The following RGS11 variants were observed in gnomAD, a reference collection of about 807,000 sequenced individuals.
RGS11 encodes the protein regulator of G protein signaling 11, also known as regulator of G-protein signaling 11.
A neutral mutation model predicts 71.1 loss-of-function variants in RGS11; 86 were observed. The ratio of observed to expected loss-of-function variants is 1.21; its 90% confidence interval spans 1.02 to 1.45. RGS11 has a LOEUF of 1.45. Among genes scored for constraint, RGS11 ranks in the 40% most tolerant of loss-of-function variants. RGS11 has a pLI of 0.00. For synonymous variants in RGS11, 298 were observed against 254.2 expected (o/e 1.17, Z -1.64); for missense variants, 734 against 635.1 (o/e 1.16, Z -1.67).
At position 269,457 on chromosome 16, in the gene RGS11, G is replaced by A. The variant is rs745979153; in HGVS notation, c.1289+46C>T. ...CCCACCTCACTGCAGGGCCCCAGCA[G>A]CCCCCAGGCCACAGCCGCCGGCCAC... On this transcript the variant is annotated intron_variant, in intron 16 of 16. Coordinates refer to ENST00000397770, the MANE Select transcript of RGS11 (RefSeq NM_183337.3). 21 of 1,600,222 alleles carry A rather than the reference G, an allele frequency of 1.3e-5. No individual in the cohort carries two copies. The East Asian group carries it at 4.7e-4, about 36-fold the overall frequency.
chr16:271,579 GA>G lies in RGS11; in HGVS notation c.658-11del, dbSNP rs1567237055. 1 of 1,613,788 alleles carries G rather than the reference GA, an allele frequency of 6.2e-7. No individual in the cohort carries two copies. Among genetic ancestry groups the G allele is most frequent in the Non-Finnish European group, 8.5e-7 (1 of 1,179,970 alleles). ...AATCTGCACTCTTGGTCTAGAAGGG[GA>G]TAGGTGGGCTGCAGTTAGATGCAGG... On this transcript the variant is annotated splice_polypyrimidine_tract_variant and intron_variant, in intron 9 of 16. Coordinates refer to ENST00000397770, the MANE Select transcript of RGS11 (RefSeq NM_183337.3).
rs756360254 is a variant in RGS11 at position 274,199 on chromosome 16, C to T, written c.370+15G>A. On this transcript the variant is annotated intron_variant, in intron 5 of 16. Coordinates refer to ENST00000397770, the MANE Select transcript of RGS11 (RefSeq NM_183337.3). The stretch of plus-strand genomic sequence containing the variant: ...TCCTGGGAACTTGTCTGGGGCCAGC[C>T]GTCCCCTTGCTCACCATAGTCCAGC... The T allele has an allele frequency of 1.5e-4, 239 of 1,606,930 alleles. 1 individual carries two copies. The East Asian group carries it at 3.8e-3, about 25-fold the overall frequency.
In RGS11 at chr16:275,273, G is replaced by A; in HGVS notation, c.211+10C>T. 1.2e-6 allele frequency: 2 copies of A among 1,612,534 alleles called. No homozygotes were observed. The highest frequency in any genetic ancestry group is 1.7e-6 in the Non-Finnish European group (2 of 1,179,816). ...TGACCCCAGGGCCCAGTGGGAGGCA[G>A]GGCGCTCACCCTCCTCCGAGACGCA... On this transcript the variant is annotated intron_variant, in intron 3 of 16. Transcript: ENST00000397770.
rs1187539204 is a variant in RGS11, at chr16:274,096, A to T, written c.376T>A (p.Tyr126Asn). The change falls in exon 6 of 17, where the codon TAC (tyrosine) becomes AAC (asparagine). Residue 126 changes from tyrosine to asparagine, a missense_variant. Coordinates refer to ENST00000397770, the MANE Select transcript of RGS11 (RefSeq NM_183337.3). ...TTTCGGATGTTCTTCTTGGCCAGGT[A>T]GATGGCTGGAAGAACAGGGACAGCC... ...RPAAELDYAIYLAKKNIRKRG... is the reference protein window; with the variant it reads ...RPAAELDYAINLAKKNIRKRG... The T allele has an allele frequency of 1.3e-6, 2 of 1,552,896 alleles. No individual in the cohort carries two copies. Among genetic ancestry groups the T allele is most frequent in the Non-Finnish European group, 1.7e-6 (2 of 1,148,090 alleles).
intron 16 of RGS11, 38 bp downstream of exon 16, chr16:269,465 G>A: frequency 6.2e-7 from 1 of 1,605,772 alleles, no homozygotes; most frequent in Non-Finnish European, 8.5e-7. Context: ...CAGCCCCCAG[G>A]CCACAGCCGC....
intron 3 of RGS11, 74 bp downstream of exon 3, chr16:275,209 C>T (rs990523563): frequency 2.5e-6 from 4 of 1,606,694 alleles, no homozygotes; most frequent in East Asian, 2.2e-5. Context: ...TGAGAACTGC[C>T]AGACTCCAGG....
rs775750447 is a variant in RGS11, at chr16:275,515, G to A, written c.64-17C>T. ...CCGCTCCATCTGGGCGGAGGGAGTC[G>A]TCAGGGGGTGTCTGGCCGCCCCGCA... On this transcript the variant is annotated splice_polypyrimidine_tract_variant and intron_variant, in intron 1 of 16. Coordinates refer to ENST00000397770, the MANE Select transcript of RGS11 (RefSeq NM_183337.3). The A allele has an allele frequency of 8.5e-6, 13 of 1,530,500 alleles. No individual in the cohort carries two copies. The highest frequency in any genetic ancestry group is 5.8e-5 in the South Asian group (5 of 85,826). 94.8% of individuals were successfully genotyped at this position (1,530,500 alleles called of 1,614,324 possible).
rs112344350 is a variant in RGS11, at chr16:274,030, TG to T, written c.429+12del. On this transcript the variant is annotated intron_variant, in intron 6 of 16. Coordinates refer to ENST00000397770, the MANE Select transcript of RGS11 (RefSeq NM_183337.3). ...CTGTACCCAGCCGGGGCGGGAAGGG[TG>T]GGGGGTCCCACCTTCTCATAATCCA... is the stretch of plus-strand genomic sequence containing the variant. 2 of 1,521,326 alleles carry T rather than the reference TG, an allele frequency of 1.3e-6. No individual in the cohort carries two copies. The highest frequency in any genetic ancestry group is 1.8e-6 in the Non-Finnish European group (2 of 1,127,930). The allele number at this position is 1,521,326 out of a possible 1,614,324, so 94.2% of individuals were successfully genotyped here. A position where few individuals can be genotyped will look rare whatever the true frequency, so the allele number is the denominator to read the frequency against.
At chr16:274,605 C>A (rs938382267) in intron 4 of RGS11, 7 of 602,442 alleles carry the variant, frequency 1.2e-5, no homozygotes, top group Non-Finnish European at 1.8e-5. Context: ...CAGGTCGGCC[C>A]GGGACCCTGA....
At position 272,886 on chromosome 16, in the gene RGS11, A is replaced by G. The variant is rs1321914910; in HGVS notation, c.634T>C (p.Cys212Arg). The G allele has an allele frequency of 6.5e-7, 1 of 1,539,354 alleles. No homozygotes were observed. Among genetic ancestry groups the G allele is most frequent in the Non-Finnish European group, 8.8e-7 (1 of 1,142,202 alleles). Reference protein sequence around the residue: ...VLEQGPGRGSCAASRVLMTKS... With the variant: ...VLEQGPGRGSRAASRVLMTKS... ...ACCATGAGCACACGGCTGGCAGCGC[A>G]GGATCCCCGCCCTGGACCCTGCTCC... Residue 212 changes from cysteine (C) to arginine (R), a missense_variant, in exon 9 of 17, where the codon TGC becomes CGC. Coordinates refer to ENST00000397770, the MANE Select transcript of RGS11 (RefSeq NM_183337.3).
chr16:269,106 G>T lies in RGS11; in HGVS notation c.*163C>A. ...CTGGGCAGGGAGGGCTTGCTGGAGG[G>T]AGGGAGGCTGTGCACCCCACAGAAG... On this transcript the variant is annotated 3_prime_UTR_variant, in exon 17 of 17. Coordinates refer to ENST00000397770, the MANE Select transcript of RGS11 (RefSeq NM_183337.3). 1 of 901,046 alleles carries T rather than the reference G, an allele frequency of 1.1e-6. No homozygotes were observed. Among genetic ancestry groups the T allele is most frequent in the South Asian group, 1.4e-5 (1 of 69,724 alleles). 55.8% of individuals were successfully genotyped at this position (901,046 alleles called of 1,614,324 possible).
chr16:273,945 A>G, intron 6 of RGS11, 98 bp downstream of exon 6: 8 of 1,436,334 alleles, frequency 5.6e-6, no homozygotes, highest in South Asian at 1.2e-5. Flanking sequence ...CCTGGGCTGT[A>G]TGTTCTGGGG....
Position 273,406 on chromosome 16 carries a change from G to A in RGS11, c.588+69C>T, listed in dbSNP as rs149143329. ...GGCTCAAAATGGTGGTCCTGAGAGC[G>A]CCTGTCAGGGAAGCACGCTGACCCC... On this transcript the variant is annotated intron_variant, in intron 8 of 16. Transcript: ENST00000397770. 2,241 of 1,208,574 alleles carry A rather than the reference G, an allele frequency of 1.9e-3. 16 individuals carry two copies. The highest frequency in any genetic ancestry group is 3.2e-3 in the South Asian group (225 of 69,768). 74.9% of individuals were successfully genotyped at this position (1,208,574 alleles called of 1,614,324 possible).
intron 7 of RGS11, 33 bp downstream of exon 7, chr16:273,727 C>G (rs1484178118): frequency 6.2e-7 from 1 of 1,603,122 alleles, no homozygotes; most frequent in Admixed American, 1.7e-5. Context: ...GGTTGGGCGC[C>G]TGCAGGCGGG....
intron 15 of RGS11, chr16:269,819 C>T (rs1035071177): frequency 1.7e-5 from 9 of 522,714 alleles, no homozygotes; most frequent in African/African-American, 1.5e-4. Flanking sequence ...GCCCTGGTGG[C>T]CACGTGTAGA....
chr16:273,905 G>T, intron 6 of RGS11, 69 bp from the exon 7 acceptor site: 1 of 1,514,852 alleles, frequency 6.6e-7, no homozygotes, highest in Middle Eastern at 1.7e-4. Context: ...TGGGCAGTTG[G>T]GGGGTTGGGG....
intron 9 of RGS11, chr16:272,494 C>T (rs1778174201): frequency 7.4e-7 from 1 of 1,352,254 alleles, no homozygotes; most frequent in Non-Finnish European, 9.7e-7. Context: ...GAGGCCTCCA[C>T]CTGGAGGGAG....
intron 15 of RGS11, 80 bp downstream of exon 15, chr16:270,443 G>A: frequency 2.0e-6 from 3 of 1,474,240 alleles, no homozygotes; most frequent in Non-Finnish European, 2.7e-6. Context: ...TGCCTGTGCG[G>A]ACAGAGCCCT....
At chr16:272,964 C>T (rs1483199314) in intron 8 of RGS11, 33 bp from the exon 9 acceptor site, 3 of 1,467,346 alleles carry the variant, frequency 2.0e-6, no homozygotes, top group African/African-American at 2.8e-5. Context: ...GGTGGGGATG[C>T]AGTTCCGGTG....
Sources: allele counts gnomAD v4.1 joint callset, GRCh38; gene constraint gnomAD v4.1.1; transcripts MANE v1.5; gene names NCBI Gene and HGNC (gene_info 2026-07-23, HGNC 2026-07-21).